The following DYSF variants were observed in gnomAD, a reference collection of about 807,000 sequenced individuals.
DYSF encodes dysferlin.
DYSF carries 212 observed loss-of-function variants against 274.9 expected under a neutral mutation model. That is an observed-to-expected ratio of 0.77 (90% CI 0.69 to 0.86). DYSF has a LOEUF of 0.86. Among genes scored for constraint, DYSF ranks in the 40% least tolerant of loss-of-function variants. The pLI, the probability that DYSF is intolerant of heterozygous loss-of-function variation, is 0.00. For synonymous variants in DYSF, 1,091 were observed against 1,078.7 expected, an observed-to-expected ratio of 1.01 and a Z score of -0.22; for missense variants, 2,666 against 2,783.2, an observed-to-expected ratio of 0.96 and a Z score of 0.95.
chr2:71,648,307 G>C (rs1177166801), intron 42 of DYSF, among the ~76,000 whole-genome samples: 5 of 152,126 alleles, frequency 3.3e-5, no homozygotes, highest in Non-Finnish European at 7.4e-5. Flanking sequence ...GGGCTGGCAG[G>C]ACTCAGGAAA....
In DYSF at chr2:71,567,997, G is replaced by C. The variant is rs779790516; in HGVS notation, c.2612G>C (p.Arg871Pro). 6.2e-7 allele frequency: 1 copy of C among 1,614,128 alleles called. No homozygotes were observed. Among genetic ancestry groups the C allele is most frequent in the Non-Finnish European group, 8.5e-7 (1 of 1,180,014 alleles). The change falls in exon 25 of 56, where the codon CGG becomes CCG. Residue 871 changes from arginine (R) to proline (P), a missense_variant. This residue lies in a region of DYSF where 412 missense variants were observed against 504.0 expected (regional missense o/e 0.82). Transcript: ENST00000410020. The stretch of plus-strand genomic sequence containing the variant: ...GGCGCCCGGATGCCAGTGCAGATAC[G>C]GGTCAAGCTGTGGTTTGGGCTCTCA... Reference protein sequence around the residue: ...VPGARMPVQIRVKLWFGLSVD... With the variant: ...VPGARMPVQIPVKLWFGLSVD...
Position 71,615,588 on chromosome 2 carries a change from C to T in DYSF, c.4464+2178C>T, listed in dbSNP as rs1249505118. ...CCATGTTTTTCTCTGAGATCTATTG[C>T]TCTGATTTGGCTGATCCAGGAAATC... On this transcript the variant is annotated intron_variant, in intron 40 of 55. Coordinates refer to ENST00000410020, the MANE Select transcript of DYSF (RefSeq NM_001130987.2). This position sits in a 1 kb window ranked among gnomAD's most constrained non-coding sequence, Gnocchi z 4.9. 6.6e-6 allele frequency among the ~76,000 whole-genome samples: 1 copy of T among 152,196 alleles called. No individual in the cohort carries two copies. Among genetic ancestry groups the T allele is most frequent in the Non-Finnish European group, 1.5e-5 (1 of 68,036 alleles).
intron 1 of DYSF, among the ~76,000 whole-genome samples, chr2:71,477,889 A>G (rs1275223372): frequency 1.3e-5 from 2 of 152,198 alleles, no homozygotes; most frequent in South Asian, 2.1e-4. Flanking sequence ...TTCCAACTAC[A>G]TATCTGGTTG....
chr2:71,615,130 G>A lies in DYSF; in HGVS notation c.4464+1720G>A, dbSNP rs2093853439. On this transcript the variant is annotated intron_variant, in intron 40 of 55. Coordinates refer to ENST00000410020, the MANE Select transcript of DYSF (RefSeq NM_001130987.2). The surrounding 1 kb of genome is among the most constrained non-coding windows in gnomAD (Gnocchi z 4.9). The stretch of plus-strand genomic sequence containing the variant: ...GGGAGGGACTATTTTAGGTCCTGCT[G>A]GCCACAAGCACAGCCAGAGGCAGAC... Among the ~76,000 whole-genome samples, 1 of 152,172 alleles carries A rather than the reference G, an allele frequency of 6.6e-6. No individual in the cohort carries two copies. Among genetic ancestry groups the A allele is most frequent in the African/African-American group, 2.4e-5 (1 of 41,448 alleles).
At chr2:71,552,956 C>T in intron 19 of DYSF, 55 bp from the exon 20 acceptor site, 1 of 1,597,716 alleles carries the variant, frequency 6.3e-7, no homozygotes, top group Non-Finnish European at 8.6e-7. Context: ...CCTCCCCAGC[C>T]TGGGTGCCTT....
At chr2:71,465,492 C>T (rs1236686964), upstream of DYSF, among the ~76,000 whole-genome samples, 1 of 152,038 alleles carries the variant, frequency 6.6e-6, no homozygotes, top group Non-Finnish European at 1.5e-5. Flanking sequence ...AGTGAGGGCT[C>T]GCTTGAGTTA....
At chr2:71,638,694 G>A (rs2094443548) in intron 41 of DYSF, among the ~76,000 whole-genome samples, 1 of 152,164 alleles carries the variant, frequency 6.6e-6, no homozygotes, top group Non-Finnish European at 1.5e-5. Flanking sequence ...TAATGTGCCA[G>A]TGTAAGGATA....
At chr2:71,655,867 C>T (rs2094758469) in intron 42 of DYSF, among the ~76,000 whole-genome samples, 1 of 152,198 alleles carries the variant, frequency 6.6e-6, no homozygotes, top group Non-Finnish European at 1.5e-5. Context: ...CGGAGCTGAA[C>T]AAATATCTTT....
chr2:71,581,346 TG>T (rs2092890708), intron 30 of DYSF, among the ~76,000 whole-genome samples: 1 of 152,232 alleles, frequency 6.6e-6, no homozygotes, highest in Non-Finnish European at 1.5e-5. Flanking sequence ...TGGCTCCAGC[TG>T]TAAATTAAAT....
intron 1 of DYSF, chr2:71,454,092 A>C: frequency 1.2e-6 from 2 of 1,613,386 alleles, no homozygotes; most frequent in South Asian, 1.1e-5. Flanking sequence ...TGCAGGTAGG[A>C]GGGGCCGACC....
rs1348507207 is a variant in DYSF, at chr2:71,514,015, A to T, written c.759+94A>T. 19 of 1,457,796 alleles carry T rather than the reference A, an allele frequency of 1.3e-5. No individual in the cohort carries two copies. The Middle Eastern group carries it at 5.8e-4, about 44-fold the overall frequency. 90.3% of individuals were successfully genotyped at this position (1,457,796 alleles called of 1,614,324 possible). On this transcript the variant is annotated intron_variant, in intron 7 of 55. Transcript: ENST00000410020. ...CTGGTTTGTCCAGCTTCAGGGGAAG[A>T]TGTGTGTGGGATCCTCAGGGCCCTC...
At chr2:71,617,010 CT>C (rs2093899973) in intron 40 of DYSF, among the ~76,000 whole-genome samples, 1 of 152,182 alleles carries the variant, frequency 6.6e-6, no homozygotes, top group Non-Finnish European at 1.5e-5. Context: ...CTGCCACCCC[CT>C]GTCCATTTCC....
chr2:71,595,878 C>T (rs955363591), intron 32 of DYSF, among the ~76,000 whole-genome samples: 5 of 152,184 alleles, frequency 3.3e-5, no homozygotes, highest in East Asian at 3.9e-4. Context: ...TCCCCTCCAC[C>T]GCTTTTTGGG....
At chr2:71,494,225 G>A (rs1291756819) in intron 3 of DYSF, among the ~76,000 whole-genome samples, 2 of 152,134 alleles carry the variant, frequency 1.3e-5, no homozygotes, top group Non-Finnish European at 2.9e-5. Context: ...CAGTTTGTTT[G>A]ATGTTTTCTC....
chr2:71,542,680 C>G (rs538548769), intron 17 of DYSF, among the ~76,000 whole-genome samples: 5 of 152,172 alleles, frequency 3.3e-5, no homozygotes, highest in Non-Finnish European at 5.9e-5. Flanking sequence ...CAGAGAGCAC[C>G]GGGTTGGGGG....
At chr2:71,652,838 C>T (rs1040365752) in intron 42 of DYSF, among the ~76,000 whole-genome samples, 1 of 152,040 alleles carries the variant, frequency 6.6e-6, no homozygotes, top group Admixed American at 6.5e-5. Context: ...CAAAAGGAGG[C>T]GTGAGCATTT....
At chr2:71,620,928 G>T (rs1252200608) in intron 41 of DYSF, among the ~76,000 whole-genome samples, 3 of 152,080 alleles carry the variant, frequency 2.0e-5, no homozygotes, top group Non-Finnish European at 4.4e-5. Flanking sequence ...CTGACTTCTG[G>T]AGTGTGGGAC....
rs2095359790 is a variant in DYSF, at chr2:71,686,731, G to C, written c.*239G>C. 1 of 542,304 alleles carries C rather than the reference G, an allele frequency of 1.8e-6. No individual in the cohort carries two copies. Among genetic ancestry groups the C allele is most frequent in the Non-Finnish European group, 3.4e-6 (1 of 296,614 alleles). The allele number at this position is 542,304 out of a possible 1,614,324, so 33.6% of individuals were successfully genotyped here. On this transcript the variant is annotated 3_prime_UTR_variant, in exon 56 of 56. Coordinates refer to ENST00000410020, the MANE Select transcript of DYSF (RefSeq NM_001130987.2). Reference sequence around the variant, plus strand: ...CCCAACGCTTTTTTGGATCAGCTCAGACATATTTCAGTATAAAACAGTTGG... The same window carrying C: ...CCCAACGCTTTTTTGGATCAGCTCACACATATTTCAGTATAAAACAGTTGG...
chr2:71,518,657 A>G (rs895228547), intron 10 of DYSF, among the ~76,000 whole-genome samples: 7 of 152,178 alleles, frequency 4.6e-5, no homozygotes, highest in African/African-American at 1.7e-4. Flanking sequence ...AAAGAGCACA[A>G]GCTTATTTTC....
Sources: allele counts gnomAD v4.1 joint callset (sites outside exome capture counted in the v4.1 genomes callset), GRCh38; gene constraint gnomAD v4.1.1; regional missense constraint gnomAD v4.1.1; non-coding constraint Gnocchi (gnomAD v3.1); transcripts MANE v1.5; gene names NCBI Gene and HGNC (gene_info 2026-07-23, HGNC 2026-07-21).